The following DOCK2 variants were observed in gnomAD, a reference collection of about 807,000 sequenced individuals.
The protein encoded by DOCK2 is dedicator of cytokinesis protein 2.
DOCK2 carries 87 observed loss-of-function variants against 248.9 expected under a neutral mutation model. That is an observed-to-expected ratio of 0.35 (90% CI 0.29 to 0.42). The LOEUF (loss-of-function observed/expected upper bound fraction) is 0.42. Among genes scored for constraint, DOCK2 ranks in the 10% least tolerant of loss-of-function variants. The pLI, the probability that DOCK2 is intolerant of heterozygous loss-of-function variation, is 1.00. For synonymous variants in DOCK2, 805 were observed against 821.6 expected (o/e 0.98, Z 0.35); for missense variants, 1,747 against 2,300.2 (o/e 0.76, Z 4.92).
intron 27 of DOCK2, among the ~76,000 whole-genome samples, chr5:169,870,737 A>G (rs368270431): frequency 6.6e-6 from 1 of 152,038 alleles, no homozygotes; most frequent in Non-Finnish European, 1.5e-5. Flanking sequence ...CTGTGTTTTT[A>G]TTTTATCCTC....
rs1762046440 is a variant in DOCK2, at chr5:169,718,912, C to A, written c.2267+121C>A. ...ATAACCAGCTGTCGATCAAAAACAG[C>A]TCAAGAATCCAACCTAGAGAGTAAT... On this transcript the variant is annotated intron_variant, in intron 22 of 51. Coordinates refer to ENST00000520908, the MANE Select transcript of DOCK2 (RefSeq NM_004946.3). The A allele has an allele frequency of 3.8e-6, 5 of 1,329,080 alleles. No individual in the cohort carries two copies. In the African/African-American group the frequency reaches 4.4e-5, roughly 12 times the overall value. 82.3% of individuals were successfully genotyped at this position (1,329,080 alleles called of 1,614,324 possible).
chr5:170,055,773 A>T lies in DOCK2; in HGVS notation c.4295+387A>T, dbSNP rs78584900. Among the ~76,000 whole-genome samples, 1,250 of 152,362 alleles carry T rather than the reference A, an allele frequency of 8.2e-3. 15 individuals carry two copies. Among genetic ancestry groups the T allele is most frequent in the African/African-American group, 0.029 (1,206 of 41,582 alleles). On this transcript the variant is annotated intron_variant, in intron 42 of 51. Transcript: ENST00000520908. ...ACAGGGGGCCTTGTCCATGCTGAGC[A>T]CATGCTCCCAGAGGGACATCTCCTC... is the stretch of plus-strand genomic sequence containing the variant.
At chr5:169,640,302 T>C (rs1757082489) in intron 1 of DOCK2, among the ~76,000 whole-genome samples, 1 of 152,182 alleles carries the variant, frequency 6.6e-6, no homozygotes, top group Non-Finnish European at 1.5e-5. Flanking sequence ...GCAGGAGTCC[T>C]GAGATAAAGG....
chr5:170,050,276 C>T lies in DOCK2; in HGVS notation c.4092C>T (p.Arg1364=), dbSNP rs142465529. 66 of 1,613,982 alleles carry T rather than the reference C, an allele frequency of 4.1e-5. No individual in the cohort carries two copies. Among genetic ancestry groups the T allele is most frequent in the African/African-American group, 2.3e-4 (17 of 74,904 alleles). ...TGCAGAACAAAGTGTTCATCTACCG[C>T]GGGAAGGAATATGAGCGAAGAGAAG... ...SFLRNKVFIY[R]GKEYERREDF... The change falls in exon 41 of 52, where the codon CGC becomes CGT. Residue 1364 remains arginine (R), a synonymous_variant. Transcript: ENST00000520908.
In DOCK2 at chr5:169,713,894, A is replaced by G. The variant is rs544464365; in HGVS notation, c.1660-134A>G. 4.2e-5 allele frequency: 41 copies of G among 979,024 alleles called. No homozygotes were observed. The African/African-American group carries it at 5.1e-4, about 12-fold the overall frequency. The allele number at this position is 979,024 out of a possible 1,614,324, so 60.6% of individuals were successfully genotyped here. A position where few individuals can be genotyped will look rare whatever the true frequency, so the allele number is the denominator to read the frequency against. On this transcript the variant is annotated intron_variant, in intron 17 of 51. Coordinates refer to ENST00000520908, the MANE Select transcript of DOCK2 (RefSeq NM_004946.3). ...AGTCCTGCCTCACCAGCCAATGTCT[A>G]TTGCTTCTCTGATGATTTTCTTCAC... is the stretch of plus-strand genomic sequence containing the variant.
At chr5:169,708,335 C>A in intron 15 of DOCK2, 68 bp downstream of exon 15, 1 of 1,423,608 alleles carries the variant, frequency 7.0e-7, no homozygotes, top group Non-Finnish European at 9.8e-7. Context: ...GTTTTAAGTG[C>A]TTTATTTAAA....
intron 25 of DOCK2, among the ~76,000 whole-genome samples, chr5:169,801,549 C>T (rs1291451744): frequency 6.6e-6 from 1 of 152,186 alleles, no homozygotes; most frequent in Admixed American, 6.5e-5. Flanking sequence ...TGGCAGTTAT[C>T]ATTATGAACG....
At chr5:169,832,534 G>A (rs149624634) in intron 26 of DOCK2, among the ~76,000 whole-genome samples, 8 of 152,266 alleles carry the variant, frequency 5.3e-5, no homozygotes, top group East Asian at 1.9e-4. Flanking sequence ...CTTGCTTCAC[G>A]CAATGAGATG....
At chr5:169,803,274 A>G (rs1310074630) in intron 26 of DOCK2, 68 bp downstream of exon 26, 1 of 1,549,520 alleles carries the variant, frequency 6.5e-7, no homozygotes, top group African/African-American at 1.4e-5. Flanking sequence ...ATTGTGAAAT[A>G]TTGATACTGA....
chr5:169,733,372 A>G (rs945098327), intron 22 of DOCK2, among the ~76,000 whole-genome samples: 3 of 151,818 alleles, frequency 2.0e-5, no homozygotes, highest in African/African-American at 7.3e-5. Context: ...AGAATTATGC[A>G]GCATTTTAGT....
intron 27 of DOCK2, among the ~76,000 whole-genome samples, chr5:169,956,199 C>T (rs1394400398): frequency 6.6e-6 from 1 of 152,232 alleles, no homozygotes; most frequent in African/African-American, 2.4e-5. Flanking sequence ...CTCTAAGATT[C>T]ATCCTGGTTG....
At chr5:169,981,870 T>C (rs1309813419) in intron 27 of DOCK2, among the ~76,000 whole-genome samples, 2 of 152,216 alleles carry the variant, frequency 1.3e-5, no homozygotes, top group East Asian at 3.8e-4. Context: ...AATAGAGTGT[T>C]AACATAACTT....
intron 1 of DOCK2, among the ~76,000 whole-genome samples, chr5:169,649,830 G>A (rs1319508728): frequency 1.3e-5 from 2 of 150,068 alleles, no homozygotes; most frequent in African/African-American, 2.5e-5. Flanking sequence ...TTTTGCCGGC[G>A]TCTTGCTCTG....
chr5:169,651,425 T>C (rs1581384493), intron 1 of DOCK2, among the ~76,000 whole-genome samples: 1 of 152,194 alleles, frequency 6.6e-6, no homozygotes, highest in Non-Finnish European at 1.5e-5. Context: ...CTGACATTGC[T>C]GGGCAGAGGA....
chr5:169,831,810 C>T (rs910750367), intron 26 of DOCK2, among the ~76,000 whole-genome samples: 1 of 152,172 alleles, frequency 6.6e-6, no homozygotes, highest in Admixed American at 6.5e-5. Context: ...GATGCCAATG[C>T]ATCCAAAATA....
At chr5:169,986,518 A>G (rs1003449798) in intron 29 of DOCK2, among the ~76,000 whole-genome samples, 2 of 152,232 alleles carry the variant, frequency 1.3e-5, no homozygotes, top group African/African-American at 2.4e-5. Context: ...GGCCCAACAC[A>G]ACAAGAGATA....
rs747302733 is a variant in DOCK2 at position 169,888,238 on chromosome 5, C to T, written c.2799+47386C>T. Among the ~76,000 whole-genome samples the T allele has an allele frequency of 2.6e-5, 4 of 152,122 alleles. No homozygotes were observed. The East Asian group carries it at 7.7e-4, about 29-fold the overall frequency. ...GGGGAATACACCTGGCTAAAAGCAC[C>T]CTCTGGAGGCCCTTAAGTCTTATGG... is the stretch of plus-strand genomic sequence containing the variant. On this transcript the variant is annotated intron_variant, in intron 27 of 51. Transcript: ENST00000520908.
At chr5:169,938,212 C>CTTTTCCTTTCTTCTTTTT (rs1251830172) in intron 27 of DOCK2, among the ~76,000 whole-genome samples, 12 of 151,710 alleles carry the variant, frequency 7.9e-5, no homozygotes, top group East Asian at 1.9e-4. Flanking sequence ...AGAAATCTTT[C>CTTTTCCTTTCTTCTTTTT]TTTTTCTTTC....
intron 45 of DOCK2, among the ~76,000 whole-genome samples, chr5:170,068,611 A>G (rs1422631805): frequency 6.6e-6 from 1 of 152,186 alleles, no homozygotes; most frequent in African/African-American, 2.4e-5. Flanking sequence ...TTTATACATG[A>G]GCACACACTA....
Sources: gnomAD v4.1 joint callset for allele counts (sites outside exome capture counted in the v4.1 genomes callset) on GRCh38, gnomAD v4.1.1 for gene constraint, MANE v1.5 for transcripts, NCBI Gene and HGNC (gene_info 2026-07-23, HGNC 2026-07-21) for gene names.